Variants in STK10 observed in about 807,000 individuals in gnomAD.
STK10 encodes the protein serine/threonine-protein kinase 10.
In STK10, 78 loss-of-function variants were observed where a neutral mutation model predicts 113.8. The observed-to-expected ratio is 0.69, with a 90% CI of 0.57 to 0.83. The LOEUF is 0.83. Among genes scored for constraint, STK10 ranks in the 40% least tolerant of loss-of-function variants. The pLI is 0.00. For synonymous variants in STK10, 465 were observed against 494.7 expected (o/e 0.94, Z 0.80); for missense variants, 1,109 against 1,280.1 (o/e 0.87, Z 2.04).
intron 12 of STK10, among the ~76,000 whole-genome samples, chr5:172,072,357 A>C (rs1264508427): frequency 1.2e-4 from 18 of 151,912 alleles, no homozygotes; most frequent in African/African-American, 4.3e-4. Context: ...AGATCCGCCT[A>C]CCGGGTTCAT....
chr5:172,116,128 C>T (rs1278098091), intron 4 of STK10, among the ~76,000 whole-genome samples: 6 of 152,140 alleles, frequency 3.9e-5, no homozygotes, highest in East Asian at 1.9e-4. Context: ...TTGCCCAGAC[C>T]GGAGTGCAGT....
intron 7 of STK10, among the ~76,000 whole-genome samples, chr5:172,102,219 G>A (rs1457148140): frequency 6.6e-6 from 1 of 152,154 alleles, no homozygotes; most frequent in East Asian, 1.9e-4. Context: ...GGGAAAGGCT[G>A]AAGTCTAGGC....
At chr5:172,156,508 C>T in intron 2 of STK10, 116 bp downstream of exon 2, 1 of 1,364,156 alleles carries the variant, frequency 7.3e-7, no homozygotes, top group Non-Finnish European at 9.8e-7. Flanking sequence ...TCTCCTTGCC[C>T]TAGCCCTCGT....
Position 172,082,496 on chromosome 5 carries a change from T to A in STK10, c.1819A>T (p.Lys607Ter). 1 of 1,590,226 alleles carries A rather than the reference T, an allele frequency of 6.3e-7. No individual in the cohort carries two copies. The highest frequency in any genetic ancestry group is 8.5e-7 in the Non-Finnish European group (1 of 1,171,310). ...RFEQEINAKK[K>*]FFDTELENLE... ...TTCTCTAATTCCGTGTCAAAGAACT[T>A]CTTCTTGGCCTGAAAGGAGCAGAAA... Residue 607 changes from lysine to a stop codon, truncating the protein, a stop_gained, in exon 12 of 19, where the codon AAG (lysine) becomes TAG (stop). Coordinates refer to ENST00000176763, the MANE Select transcript of STK10 (RefSeq NM_005990.4). LOFTEE classifies it high-confidence loss of function. This position sits in a 1 kb window ranked among gnomAD's most constrained non-coding sequence, Gnocchi z 4.3.
At chr5:172,088,399 C>T (rs1768618334) in intron 10 of STK10, among the ~76,000 whole-genome samples, 1 of 152,028 alleles carries the variant, frequency 6.6e-6, no homozygotes, top group Non-Finnish European at 1.5e-5. Flanking sequence ...TGGCGGGCAC[C>T]TGTAGTCCCA....
rs576494172 is a variant in STK10, at chr5:172,107,836, A to C, written c.537T>G (p.Ser179=). Residue 179 remains serine (S), a synonymous_variant, in exon 5 of 19, where the codon TCT becomes TCG. Transcript: ENST00000176763. ...GDIRLADFGV[S]AKNLKTLQKR... is the part of the protein sequence containing the mutation. ...TCTGTAGAGTCTTCAGATTCTTGGCAGACACACCAAAGTCAGCTGCAAGAC... is the reference window on the plus strand; with the variant it reads ...TCTGTAGAGTCTTCAGATTCTTGGCCGACACACCAAAGTCAGCTGCAAGAC... The C allele has an allele frequency of 6.2e-7, 1 of 1,614,224 alleles. No homozygotes were observed. Among genetic ancestry groups the C allele is most frequent in the African/African-American group, 1.3e-5 (1 of 75,072 alleles).
intron 10 of STK10, among the ~76,000 whole-genome samples, chr5:172,085,313 G>A (rs1768528078): frequency 6.6e-6 from 1 of 152,072 alleles, no homozygotes; most frequent in Non-Finnish European, 1.5e-5. Flanking sequence ...TGTTGTCAGT[G>A]TATGTGTGTA....
At chr5:172,114,475 T>TATATATA (rs145162287) in intron 4 of STK10, 11 of 18,010 alleles carry the variant, frequency 6.1e-4, no homozygotes, top group African/African-American at 2.5e-3. Context: ...ATATATATAT[T>TATATATA]TTTTTTTTTT....
In STK10 at chr5:172,132,112, T is replaced by A. The variant is rs561944115; in HGVS notation, c.322-4691A>T. ...TTACAAATTACCCAGTGTCAGGTAT[T>A]CTGTTATAGCAGCATAAAATGCACT... On this transcript the variant is annotated intron_variant, in intron 2 of 18. Transcript: ENST00000176763. 6.6e-4 allele frequency among the ~76,000 whole-genome samples: 100 copies of A among 152,312 alleles called. 2 individuals are homozygous for A. The highest frequency in any genetic ancestry group is 2.4e-3 in the African/African-American group (99 of 41,558).
At chr5:172,142,134 C>T (rs757451366) in intron 2 of STK10, among the ~76,000 whole-genome samples, 4 of 152,156 alleles carry the variant, frequency 2.6e-5, no homozygotes, top group Non-Finnish European at 4.4e-5. Context: ...AGACAGCACA[C>T]GTCACACACC....
chr5:172,049,542 G>A (rs183570172), intron 18 of STK10, among the ~76,000 whole-genome samples: 10 of 152,192 alleles, frequency 6.6e-5, no homozygotes, highest in South Asian at 2.1e-4. Context: ...TGAGACTCAC[G>A]GGAGATAAGG....
intron 2 of STK10, among the ~76,000 whole-genome samples, chr5:172,132,799 G>A (rs1158900258): frequency 2.6e-5 from 4 of 152,168 alleles, no homozygotes; most frequent in African/African-American, 9.7e-5. Flanking sequence ...AGCTCCTAGT[G>A]CGTGGCAAGC....
chr5:172,072,790 T>C (rs1768225230), intron 12 of STK10, among the ~76,000 whole-genome samples: 1 of 152,072 alleles, frequency 6.6e-6, no homozygotes, highest in Non-Finnish European at 1.5e-5. Context: ...AATTAAAAAA[T>C]AAAAAGCATA....
intron 3 of STK10, among the ~76,000 whole-genome samples, chr5:172,117,959 G>T (rs1362905027): frequency 6.9e-6 from 1 of 144,074 alleles, no homozygotes; most frequent in African/African-American, 2.6e-5. Flanking sequence ...GTTGCAGTGA[G>T]CTGAGATCGT....
intron 13 of STK10, 142 bp downstream of exon 13, chr5:172,064,578 C>T: frequency 1.3e-6 from 1 of 780,844 alleles, no homozygotes. Context: ...GATAATGGGG[C>T]CATGAAGGAT....
Position 172,044,821 on chromosome 5 carries a change from A to C in STK10, c.*61T>G, listed in dbSNP as rs1191073135. Reference sequence around the variant, plus strand: ...AAGGGGTCCTGAGTTACATGTTCACAGAGAATGAAGGAGAAGGCCCTGGGG... The same window carrying C: ...AAGGGGTCCTGAGTTACATGTTCACCGAGAATGAAGGAGAAGGCCCTGGGG... On this transcript the variant is annotated 3_prime_UTR_variant, in exon 19 of 19. Coordinates refer to ENST00000176763, the MANE Select transcript of STK10 (RefSeq NM_005990.4). The surrounding 1 kb of genome is among the most constrained non-coding windows in gnomAD (Gnocchi z 4.5). 1 of 1,612,612 alleles carries C rather than the reference A, an allele frequency of 6.2e-7. No homozygotes were observed. Among genetic ancestry groups the C allele is most frequent in the African/African-American group, 1.3e-5 (1 of 74,920 alleles).
intron 1 of STK10, among the ~76,000 whole-genome samples, chr5:172,183,792 G>A (rs888864345): frequency 6.6e-6 from 1 of 152,154 alleles, no homozygotes; most frequent in Non-Finnish European, 1.5e-5. Flanking sequence ...CCAATTTGTA[G>A]GACTGGTTTT....
At chr5:172,048,633 C>T (rs895423268) in intron 18 of STK10, among the ~76,000 whole-genome samples, 7 of 148,418 alleles carry the variant, frequency 4.7e-5, no homozygotes, top group African/African-American at 1.8e-4. Flanking sequence ...CAAGATACCA[C>T]CCTAGTCCAA....
chr5:172,054,753 A>G (rs1430830630), intron 16 of STK10, 59 bp from the exon 17 acceptor site: 3 of 1,596,896 alleles, frequency 1.9e-6, no homozygotes, highest in Non-Finnish European at 1.7e-6. Flanking sequence ...TTGGGTAGGG[A>G]GCCCCACTCA....
Sources: gnomAD v4.1 joint callset for allele counts (sites outside exome capture counted in the v4.1 genomes callset) on GRCh38, gnomAD v4.1.1 for gene constraint, Gnocchi (gnomAD v3.1) non-coding constraint, MANE v1.5 for transcripts, NCBI Gene and HGNC (gene_info 2026-07-23, HGNC 2026-07-21) for gene names.